Variants in GPC5 observed in about 807,000 individuals in gnomAD.
GPC5 encodes the protein glypican-5.
Under a neutral mutation model 53.9 loss-of-function variants are expected in GPC5, and 47 were observed. That is an observed-to-expected ratio of 0.87 (90% CI 0.69 to 1.11). The LOEUF is 1.11. Ranked by LOEUF, GPC5 falls within the 50% of genes most tolerant of loss-of-function variation. GPC5 has a pLI of 0.00. For missense variants in GPC5, 748 were observed against 713.1 expected (o/e 1.05, Z -0.56); for synonymous variants, 286 against 263.3 (o/e 1.09, Z -0.84).
At chr13:91,695,659 G>C (rs937494948) in intron 3 of GPC5, among the ~76,000 whole-genome samples, 7 of 152,142 alleles carry the variant, frequency 4.6e-5, no homozygotes, top group Non-Finnish European at 8.8e-5. Context: ...ATAGGCATGA[G>C]CCACTGAGCC....
chr13:92,475,461 G>T (rs1879074998), intron 7 of GPC5, among the ~76,000 whole-genome samples: 1 of 147,510 alleles, frequency 6.8e-6, no homozygotes, highest in Non-Finnish European at 1.5e-5. Flanking sequence ...TCTCTTTGAA[G>T]CAATTGTGAA....
At chr13:91,893,753 C>T (rs951847113) in intron 5 of GPC5, among the ~76,000 whole-genome samples, 1 of 152,066 alleles carries the variant, frequency 6.6e-6, no homozygotes, top group Non-Finnish European at 1.5e-5. Context: ...CTCATTTACC[C>T]TTTCTCCCCT....
At chr13:91,646,962 A>G (rs1427060634) in intron 2 of GPC5, among the ~76,000 whole-genome samples, 2 of 152,180 alleles carry the variant, frequency 1.3e-5, no homozygotes, top group African/African-American at 2.4e-5. Flanking sequence ...TTAATCTTTT[A>G]TAACATCCAT....
At chr13:92,197,296 A>T (rs1482459118) in intron 7 of GPC5, among the ~76,000 whole-genome samples, 1 of 152,226 alleles carries the variant, frequency 6.6e-6, no homozygotes, top group East Asian at 1.9e-4. Context: ...ATACAGATAT[A>T]AATAATATTG....
intron 6 of GPC5, among the ~76,000 whole-genome samples, chr13:92,077,282 T>C (rs1296664025): frequency 6.6e-6 from 1 of 152,234 alleles, no homozygotes; most frequent in African/African-American, 2.4e-5. Context: ...AATAAGTCTC[T>C]TAAAATATTT....
intron 7 of GPC5, among the ~76,000 whole-genome samples, chr13:92,472,751 C>T (rs142272303): frequency 2.4e-4 from 36 of 152,106 alleles, no homozygotes; most frequent in South Asian, 2.1e-4. Context: ...TAGACATCAT[C>T]GACTCAGTAT....
intron 7 of GPC5, among the ~76,000 whole-genome samples, chr13:92,327,253 T>G (rs1238243711): frequency 1.3e-5 from 2 of 152,182 alleles, no homozygotes. Context: ...TGTCCTTGCT[T>G]AATTCAAACT....
intron 7 of GPC5, among the ~76,000 whole-genome samples, chr13:92,541,776 C>G (rs200846268): frequency 6.6e-6 from 1 of 151,782 alleles, no homozygotes; most frequent in East Asian, 1.9e-4. Context: ...GTCTACTAGT[C>G]CATATGGAAT....
chr13:91,629,803 G>A (rs2034109507), intron 2 of GPC5, among the ~76,000 whole-genome samples: 1 of 152,032 alleles, frequency 6.6e-6, no homozygotes, highest in African/African-American at 2.4e-5. Flanking sequence ...TGCTACTAAA[G>A]GTGGGAAAAT....
At chr13:91,537,503 C>A (rs1886646811) in intron 2 of GPC5, among the ~76,000 whole-genome samples, 2 of 152,082 alleles carry the variant, frequency 1.3e-5, no homozygotes. Flanking sequence ...AGACCTAGAA[C>A]AAGTAAAGAG....
chr13:91,494,725 A>AT (rs1884154811), intron 2 of GPC5, among the ~76,000 whole-genome samples: 1 of 152,086 alleles, frequency 6.6e-6, no homozygotes, highest in Admixed American at 6.6e-5. Flanking sequence ...TCTCTTTGAA[A>AT]TTTGTTTCTT....
chr13:91,690,802 A>G (rs1377432973), intron 2 of GPC5, among the ~76,000 whole-genome samples: 1 of 152,250 alleles, frequency 6.6e-6, no homozygotes, highest in Non-Finnish European at 1.5e-5. Context: ...ACTAAGAATA[A>G]TATGGCAATT....
chr13:92,473,972 A>T (rs1451110143), intron 7 of GPC5, among the ~76,000 whole-genome samples: 1 of 152,160 alleles, frequency 6.6e-6, no homozygotes, highest in African/African-American at 2.4e-5. Flanking sequence ...AAGCAATATC[A>T]GGAGATCATT....
intron 7 of GPC5, among the ~76,000 whole-genome samples, chr13:92,259,928 C>T (rs1034632396): frequency 6.6e-5 from 10 of 152,138 alleles, no homozygotes; most frequent in Non-Finnish European, 5.9e-5. Context: ...CCAGCTGTCT[C>T]AGGAGGAGTA....
chr13:92,376,205 G>A (rs1025667720), intron 7 of GPC5, among the ~76,000 whole-genome samples: 1 of 151,996 alleles, frequency 6.6e-6, no homozygotes, highest in African/African-American at 2.4e-5. Context: ...CAGAATCTGG[G>A]GCTAAACTTT....
chr13:92,540,082 A>T (rs1881884799), intron 7 of GPC5, among the ~76,000 whole-genome samples: 1 of 151,976 alleles, frequency 6.6e-6, no homozygotes, highest in South Asian at 2.1e-4. Context: ...GTGACTGTTT[A>T]TAGATGTTGG....
intron 5 of GPC5, among the ~76,000 whole-genome samples, chr13:91,838,169 A>G (rs2038743453): frequency 6.6e-6 from 1 of 152,108 alleles, no homozygotes; most frequent in African/African-American, 2.4e-5. Flanking sequence ...GATGAAACTG[A>G]AAGTTTGGGT....
rs1555289205 is a variant in GPC5 at position 92,547,996 on chromosome 13, A to AATT, written c.1562-318286_1562-318285insATT. 3.7e-5 allele frequency among the ~76,000 whole-genome samples: 5 copies of AATT among 136,214 alleles called. 1 individual carries two copies. The highest frequency in any genetic ancestry group is 7.8e-5 in the Non-Finnish European group (5 of 63,780). 89.4% of individuals were successfully genotyped at this position (136,214 alleles called of 152,430 possible). A position where few individuals can be genotyped will look rare whatever the true frequency, so the allele number is the denominator to read the frequency against. ...AGGTGCCCGCCACCACGCCTGGCTA[A>AATT]TTTTTTTTTTTTTTTTGTATTTTTA... On this transcript the variant is annotated intron_variant, in intron 7 of 7. Coordinates refer to ENST00000377067, the MANE Select transcript of GPC5 (RefSeq NM_004466.6).
intron 7 of GPC5, chr13:92,340,366 T>C (rs375883785): frequency 2.6e-5 from 4 of 152,108 alleles, no homozygotes; most frequent in African/African-American, 9.7e-5. Context: ...GAGTGTCTAC[T>C]CTCAGTTTCT....
Sources: allele counts gnomAD v4.1 joint callset (sites outside exome capture counted in the v4.1 genomes callset), GRCh38; gene constraint gnomAD v4.1.1; transcripts MANE v1.5; gene names NCBI Gene and HGNC (gene_info 2026-07-23, HGNC 2026-07-21).